ARHGAP32: variants seen among roughly 807,000 people sequenced by gnomAD.
ARHGAP32 encodes the protein rho GTPase-activating protein 32.
Under a neutral mutation model 186.5 loss-of-function variants are expected in ARHGAP32, and 51 were observed. The ratio of observed to expected loss-of-function variants is 0.27; its 90% CI spans 0.22 to 0.35. ARHGAP32 has a LOEUF of 0.35. ARHGAP32 is among the 10% of genes least tolerant of loss of function. The pLI, the probability that ARHGAP32 is intolerant of heterozygous loss-of-function variation, is 1.00. For missense variants in ARHGAP32, 2,186 were observed against 2,623.5 expected, an observed-to-expected ratio of 0.83 and a Z score of 3.64; for synonymous variants, 950 against 964.3, an observed-to-expected ratio of 0.99 and a Z score of 0.27.
At chr11:129,241,132 G>A (rs1183296539) in intron 1 of ARHGAP32, among the ~76,000 whole-genome samples, 2 of 152,082 alleles carry the variant, frequency 1.3e-5, no homozygotes, top group African/African-American at 4.8e-5. Context: ...GAATAAATGA[G>A]CTCACATGTA....
intron 5 of ARHGAP32, among the ~76,000 whole-genome samples, chr11:129,102,191 C>T (rs1357311409): frequency 6.6e-6 from 1 of 152,114 alleles, no homozygotes; most frequent in African/African-American, 2.4e-5. Context: ...TACAAGAGCT[C>T]CTGAAGGAAG....
intron 2 of ARHGAP32, among the ~76,000 whole-genome samples, chr11:129,161,117 A>C (rs1423278499): frequency 6.6e-6 from 1 of 152,156 alleles, no homozygotes; most frequent in Non-Finnish European, 1.5e-5. Flanking sequence ...GAAAATTGAA[A>C]CTGGACCCCT....
intron 1 of ARHGAP32, among the ~76,000 whole-genome samples, chr11:129,168,359 A>C (rs1450012479): frequency 3.9e-5 from 6 of 152,258 alleles, no homozygotes; most frequent in Non-Finnish European, 7.3e-5. Context: ...TAGCCAAAGA[A>C]GGCTAGCGTA....
chr11:129,033,751 T>C (rs763362186), intron 11 of ARHGAP32, among the ~76,000 whole-genome samples: 1 of 152,226 alleles, frequency 6.6e-6, no homozygotes, highest in Non-Finnish European at 1.5e-5. Flanking sequence ...TGGATTTTTG[T>C]GTATGGGGTT....
At chr11:129,191,539 G>A (rs1328600524) in intron 1 of ARHGAP32, among the ~76,000 whole-genome samples, 3 of 151,950 alleles carry the variant, frequency 2.0e-5, no homozygotes, top group Non-Finnish European at 4.4e-5. Context: ...GAGATTTGGG[G>A]GAAAGGGGGC....
chr11:129,202,854 T>C (rs1944470833), intron 1 of ARHGAP32: 1 of 152,052 alleles, frequency 6.6e-6, no homozygotes, highest in African/African-American at 2.4e-5. Flanking sequence ...TACTTTGTTC[T>C]AACACTAAAG....
chr11:129,004,502 T>C, intron 11 of ARHGAP32, among the ~76,000 whole-genome samples: 1 of 152,154 alleles, frequency 6.6e-6, no homozygotes, highest in East Asian at 1.9e-4. Flanking sequence ...GGGATCTATC[T>C]CTCTCTTTAG....
At chr11:129,080,571 A>G (rs1314884134) in intron 6 of ARHGAP32, among the ~76,000 whole-genome samples, 3 of 152,166 alleles carry the variant, frequency 2.0e-5, no homozygotes, top group Admixed American at 1.3e-4. Flanking sequence ...CAGAGACACA[A>G]CCTATCAAAA....
chr11:129,083,933 A>T (rs1318284855), intron 6 of ARHGAP32, among the ~76,000 whole-genome samples: 1 of 152,150 alleles, frequency 6.6e-6, no homozygotes, highest in East Asian at 1.9e-4. Flanking sequence ...TAACTTAAAA[A>T]GACAGAGAGA....
chr11:129,006,622 G>A (rs1937786246), intron 11 of ARHGAP32, among the ~76,000 whole-genome samples: 1 of 152,178 alleles, frequency 6.6e-6, no homozygotes, highest in African/African-American at 2.4e-5. Context: ...CCTGGAGCTG[G>A]GGTGAAACAA....
At chr11:129,133,687 A>G (rs1175665570) in intron 2 of ARHGAP32, among the ~76,000 whole-genome samples, 3 of 152,196 alleles carry the variant, frequency 2.0e-5, no homozygotes, top group African/African-American at 7.2e-5. Flanking sequence ...TGATGTAAAA[A>G]TAAGAACATA....
chr11:129,025,978 G>C (rs1454703127), intron 11 of ARHGAP32, among the ~76,000 whole-genome samples: 1 of 151,018 alleles, frequency 6.6e-6, no homozygotes, highest in Non-Finnish European at 1.5e-5. Context: ...TATAAACATT[G>C]ATAGGAATAA....
At chr11:129,101,098 G>T (rs1054604197) in intron 5 of ARHGAP32, among the ~76,000 whole-genome samples, 1 of 152,192 alleles carries the variant, frequency 6.6e-6, no homozygotes, top group Admixed American at 6.5e-5. Flanking sequence ...ACAGTTGGGA[G>T]CAGAGCGCTG....
At chr11:129,015,326 T>G (rs2134854190) in intron 11 of ARHGAP32, among the ~76,000 whole-genome samples, 1 of 152,314 alleles carries the variant, frequency 6.6e-6, no homozygotes, top group East Asian at 1.9e-4. Context: ...GCTAACGTAC[T>G]GATAGAAAGT....
chr11:129,229,634 T>C (rs1944832352), intron 1 of ARHGAP32, among the ~76,000 whole-genome samples: 1 of 152,260 alleles, frequency 6.6e-6, no homozygotes, highest in Admixed American at 6.5e-5. Flanking sequence ...AAAGGTAGCG[T>C]AGTGGAGAGG....
intron 11 of ARHGAP32, among the ~76,000 whole-genome samples, chr11:129,035,834 A>ATT (rs1939309726): frequency 6.6e-6 from 1 of 151,626 alleles, no homozygotes; most frequent in African/African-American, 2.4e-5. Context: ...ACAGAGCAAG[A>ATT]CTCCATCAAA....
rs1945254780 is a variant in ARHGAP32, at chr11:128,967,875, TTA to T, written c.*1030_*1031del. 6.6e-6 allele frequency: 1 copy of T among 151,738 alleles called. No homozygotes were observed. Among genetic ancestry groups the T allele is most frequent in the African/African-American group, 2.4e-5 (1 of 41,276 alleles). 9.4% of individuals were successfully genotyped at this position (151,738 alleles called of 1,614,324 possible). The stretch of plus-strand genomic sequence containing the variant: ...TAGGAACAGAAACAAACATGGAAAT[TTA>T]TATTCATAATAAATTATGCGTGTCT... On this transcript the variant is annotated 3_prime_UTR_variant, in exon 23 of 23. Coordinates refer to ENST00000682385, the MANE Select transcript of ARHGAP32 (RefSeq NM_001378024.1).
chr11:129,131,072 A>C (rs989005072), intron 2 of ARHGAP32, among the ~76,000 whole-genome samples: 11 of 152,186 alleles, frequency 7.2e-5, no homozygotes, highest in Admixed American at 7.2e-4. Flanking sequence ...ATGAAAGAAG[A>C]CAGAAGAAAA....
At chr11:129,133,111 T>C (rs1244204704) in intron 2 of ARHGAP32, among the ~76,000 whole-genome samples, 8 of 152,108 alleles carry the variant, frequency 5.3e-5, no homozygotes, top group Admixed American at 5.2e-4. Flanking sequence ...CTTACATGTT[T>C]AGAGCCGGTG....
Sources: gnomAD v4.1 joint callset for allele counts (sites outside exome capture counted in the v4.1 genomes callset) on GRCh38, gnomAD v4.1.1 for gene constraint, MANE v1.5 for transcripts, NCBI Gene and HGNC (gene_info 2026-07-23, HGNC 2026-07-21) for gene names.